C8orf74: variants seen among roughly 807,000 people sequenced by gnomAD.
C8orf74 encodes chromosome 8 open reading frame 74, also known as uncharacterized protein C8orf74.
In C8orf74, 29 loss-of-function variants were observed where a neutral mutation model predicts 22.2. That is an observed-to-expected ratio of 1.31 (90% CI 0.97 to 1.78). The LOEUF (loss-of-function observed/expected upper bound fraction) is 1.78, where lower values mean the gene tolerates loss of function less well. Ranked by LOEUF, C8orf74 falls within the 40% of genes most tolerant of loss-of-function variation. The pLI is 0.00. For synonymous variants in C8orf74, 255 were observed against 163.1 expected, an observed-to-expected ratio of 1.56 and a Z score of -4.30; for missense variants, 515 against 369.9, an observed-to-expected ratio of 1.39 and a Z score of -3.22.
chr8:10,677,177 T>C (rs1229660987), intron 2 of C8orf74, among the ~76,000 whole-genome samples: 1 of 152,080 alleles, frequency 6.6e-6, no homozygotes, highest in East Asian at 1.9e-4. Flanking sequence ...CCCCTCCTCC[T>C]CCTGCACTTC....
chr8:10,699,302 C>A (rs1799600850), intron 3 of C8orf74, among the ~76,000 whole-genome samples: 1 of 152,222 alleles, frequency 6.6e-6, no homozygotes, highest in Non-Finnish European at 1.5e-5. Context: ...CAGCTATGCA[C>A]CTGAGATGGG....
At chr8:10,685,211 T>C (rs762010910) in intron 2 of C8orf74, among the ~76,000 whole-genome samples, 2 of 152,126 alleles carry the variant, frequency 1.3e-5, no homozygotes, top group Non-Finnish European at 2.9e-5. Context: ...TTAAAAGACA[T>C]AGTGGATAGG....
chr8:10,687,187 G>A, intron 2 of C8orf74: 1 of 449,896 alleles, frequency 2.2e-6, no homozygotes, highest in Non-Finnish European at 4.5e-6. Flanking sequence ...TGTTTACTGT[G>A]TACCAGGCAC....
At chr8:10,684,248 G>A (rs1799215159) in intron 2 of C8orf74, among the ~76,000 whole-genome samples, 1 of 152,222 alleles carries the variant, frequency 6.6e-6, no homozygotes, top group African/African-American at 2.4e-5. Flanking sequence ...ATAGAGGGAA[G>A]AACCAGTACT....
intron 2 of C8orf74, among the ~76,000 whole-genome samples, chr8:10,683,970 G>C (rs554414420): frequency 6.6e-6 from 1 of 152,310 alleles, no homozygotes; most frequent in East Asian, 1.9e-4. Context: ...CCCAGAGTGA[G>C]CCCAAATCCC....
At chr8:10,682,747 C>T (rs1313516100) in intron 2 of C8orf74, among the ~76,000 whole-genome samples, 1 of 152,218 alleles carries the variant, frequency 6.6e-6, no homozygotes, top group Non-Finnish European at 1.5e-5. Context: ...GGCCACCACT[C>T]CTCGGGTGAG....
chr8:10,686,249 A>G (rs1411147505), intron 2 of C8orf74, among the ~76,000 whole-genome samples: 1 of 152,178 alleles, frequency 6.6e-6, no homozygotes, highest in Non-Finnish European at 1.5e-5. Flanking sequence ...GAGTTGGAGG[A>G]TCTGGACTGA....
At chr8:10,677,329 G>A (rs1799053814) in intron 2 of C8orf74, among the ~76,000 whole-genome samples, 1 of 152,122 alleles carries the variant, frequency 6.6e-6, no homozygotes, top group African/African-American at 2.4e-5. Flanking sequence ...TTCATATAAT[G>A]CGACTAAGTA....
chr8:10,680,736 G>A (rs181494268), intron 2 of C8orf74, among the ~76,000 whole-genome samples: 76 of 152,334 alleles, frequency 5.0e-4, no homozygotes, highest in African/African-American at 1.7e-3. Context: ...CAGACCGAGA[G>A]AGCAGGAAGC....
intron 2 of C8orf74, among the ~76,000 whole-genome samples, chr8:10,688,069 G>T (rs1444107886): frequency 2.0e-5 from 3 of 152,034 alleles, no homozygotes; most frequent in African/African-American, 7.2e-5. Flanking sequence ...GCCAGGCGTG[G>T]TAGTGTACAC....
chr8:10,697,920 C>CGCA lies in C8orf74; in HGVS notation c.565_566insAGC (p.Ala188_Leu189insGln), dbSNP rs1563165723. 6.3e-7 allele frequency: 1 copy of CGCA among 1,599,884 alleles called. No homozygotes were observed. Among genetic ancestry groups the CGCA allele is most frequent in the East Asian group, 2.2e-5 (1 of 44,632 alleles). ...GCCGACGTGCTGCTCCTGAAAGAGG[C>CGCA]GCTGCGCCTGGAGCGGGAGAACTCG... On this transcript the variant is annotated inframe_insertion, in exon 3 of 4. Coordinates refer to ENST00000304519, the MANE Select transcript of C8orf74 (RefSeq NM_001040032.2).
At position 10,697,962 on chromosome 8, in the gene C8orf74, C is replaced by T. The variant is rs757621850; in HGVS notation, c.605C>T (p.Ala202Val). The change falls in exon 3 of 4, where the codon GCT becomes GTT. Residue 202 changes from alanine (A) to valine (V), a missense_variant. Transcript: ENST00000304519. ...GAGAACTCGCTGCAGAAGGCGTTCG[C>T]TGCCGCCGCGCCTGCGCAGCCCGGC... ...ERENSLQKAFAAAAPAQPGQV... is the reference protein window; with the variant it reads ...ERENSLQKAFVAAAPAQPGQV... The T allele has an allele frequency of 2.0e-6, 3 of 1,536,294 alleles. No individual in the cohort carries two copies. The highest frequency in any genetic ancestry group is 1.9e-5 in the Admixed American group (1 of 53,124).
At chr8:10,676,137 C>T (rs551253132) in intron 2 of C8orf74, among the ~76,000 whole-genome samples, 1 of 152,020 alleles carries the variant, frequency 6.6e-6, no homozygotes, top group Non-Finnish European at 1.5e-5. Flanking sequence ...ATTGTTGCAA[C>T]TTTTCATTTA....
intron 2 of C8orf74, among the ~76,000 whole-genome samples, chr8:10,685,518 A>C (rs2129057369): frequency 6.6e-6 from 1 of 152,368 alleles, no homozygotes; most frequent in South Asian, 2.1e-4. Context: ...TGAAGACATT[A>C]CGTTACGTGA....
At chr8:10,691,068 G>A (rs569783517) in intron 2 of C8orf74, 11 of 390,012 alleles carry the variant, frequency 2.8e-5, no homozygotes, top group South Asian at 2.0e-4. Flanking sequence ...CAGGGAGTGT[G>A]GTCCGAGGCC....
In C8orf74 at chr8:10,697,934, C is replaced by G; in HGVS notation, c.577C>G (p.Arg193Gly). Residue 193 changes from arginine (R) to glycine (G), a missense_variant, in exon 3 of 4, where the codon CGG becomes GGG. Transcript: ENST00000304519. ...LLLKEALRLERENSLQKAFAA... is the reference protein window; with the variant it reads ...LLLKEALRLEGENSLQKAFAA... ...CCTGAAAGAGGCGCTGCGCCTGGAG[C>G]GGGAGAACTCGCTGCAGAAGGCGTT... 1 of 1,583,438 alleles carries G rather than the reference C, an allele frequency of 6.3e-7. No individual in the cohort carries two copies.
chr8:10,688,654 A>C (rs1799312162), intron 2 of C8orf74: 1 of 152,312 alleles, frequency 6.6e-6, no homozygotes, highest in African/African-American at 2.4e-5. Context: ...CAGGAGGATG[A>C]TGCATCTCCA....
Position 10,700,480 on chromosome 8 carries a change from G to C in C8orf74, c.*9G>C, listed in dbSNP as rs753584865. The C allele has an allele frequency of 4.0e-6, 6 of 1,505,772 alleles. No homozygotes were observed. The highest frequency in any genetic ancestry group is 2.7e-6 in the Non-Finnish European group (3 of 1,116,646). 93.3% of individuals were successfully genotyped at this position (1,505,772 alleles called of 1,614,324 possible). A position where few individuals can be genotyped will look rare whatever the true frequency, so the allele number is the denominator to read the frequency against. ...CGAAGGCAAGGAAGTAGAAGGTCCC[G>C]ACTGCCACACGAGACTGACTGGGGA... On this transcript the variant is annotated 3_prime_UTR_variant, in exon 4 of 4. Transcript: ENST00000304519.
intron 2 of C8orf74, among the ~76,000 whole-genome samples, chr8:10,696,420 T>C (rs890726732): frequency 1.4e-4 from 19 of 132,260 alleles, no homozygotes; most frequent in African/African-American, 6.0e-4. Flanking sequence ...TCTTTTTTTT[T>C]CTTTTCTTTT....
Sources: allele counts gnomAD v4.1 joint callset (sites outside exome capture counted in the v4.1 genomes callset), GRCh38; gene constraint gnomAD v4.1.1; transcripts MANE v1.5; gene names NCBI Gene and HGNC (gene_info 2026-07-23, HGNC 2026-07-21).